Variants in RAD51B observed in about 807,000 individuals in gnomAD.
RAD51B encodes DNA repair protein RAD51 homolog 2.
In RAD51B, 38 loss-of-function variants were observed where a neutral mutation model predicts 42.2. The ratio of observed to expected loss-of-function variants is 0.90; its 90% CI spans 0.70 to 1.18. The LOEUF (loss-of-function observed/expected upper bound fraction) is 1.18, where lower values mean the gene tolerates loss of function less well. Ranked by LOEUF, RAD51B falls within the 50% of genes most tolerant of loss-of-function variation. The pLI is 0.00. For missense variants in RAD51B, 373 were observed against 400.7 expected (o/e 0.93, Z 0.59); for synonymous variants, 154 against 145.2 (o/e 1.06, Z -0.43).
At chr14:68,441,711 T>C (rs1192941083) in intron 9 of RAD51B, among the ~76,000 whole-genome samples, 2 of 152,200 alleles carry the variant, frequency 1.3e-5, no homozygotes, top group Non-Finnish European at 2.9e-5. Flanking sequence ...ATATGTGATC[T>C]TGGACAAATG....
intron 8 of RAD51B, among the ~76,000 whole-genome samples, chr14:68,337,059 C>CTTACTAATT (rs2082470893): frequency 6.6e-6 from 1 of 152,150 alleles, no homozygotes; most frequent in Non-Finnish European, 1.5e-5. Flanking sequence ...TTGTAGTTTA[C>CTTACTAATT]TTACTAATTT....
At chr14:67,916,407 A>G (rs1410831114) in intron 7 of RAD51B, among the ~76,000 whole-genome samples, 1 of 151,852 alleles carries the variant, frequency 6.6e-6, no homozygotes, top group Non-Finnish European at 1.5e-5. Flanking sequence ...ACACCTGGCT[A>G]ATTTTTGTAT....
intron 7 of RAD51B, among the ~76,000 whole-genome samples, chr14:68,023,458 C>T (rs2075902187): frequency 6.6e-6 from 1 of 152,160 alleles, no homozygotes; most frequent in African/African-American, 2.4e-5. Context: ...TCCTGAGTAG[C>T]TGTGATTACA....
chr14:68,389,104 G>GT lies in RAD51B; in HGVS notation c.854-22313dup, dbSNP rs541395898. On this transcript the variant is annotated intron_variant, in intron 8 of 10. Transcript: ENST00000471583. ...GGAAGCCTCTGGATTCAGTTGTTTT[G>GT]TTTTTTTAAGTAACTTTTTAAATGA... 1.6e-4 allele frequency among the ~76,000 whole-genome samples: 25 copies of GT among 152,084 alleles called. No individual in the cohort carries two copies. In the South Asian group the frequency reaches 5.2e-3, roughly 32 times the overall value.
intron 7 of RAD51B, among the ~76,000 whole-genome samples, chr14:67,983,441 A>G (rs1244889040): frequency 6.6e-6 from 1 of 152,210 alleles, no homozygotes; most frequent in African/African-American, 2.4e-5. Context: ...TCTGAGTAAA[A>G]GCAAATAATG....
intron 8 of RAD51B, among the ~76,000 whole-genome samples, chr14:68,386,111 A>G (rs1277096957): frequency 6.6e-6 from 1 of 152,176 alleles, no homozygotes; most frequent in Non-Finnish European, 1.5e-5. Flanking sequence ...TTAGGGCAGT[A>G]TCCTTTGGAG....
intron 11 of RAD51B, among the ~76,000 whole-genome samples, chr14:68,681,818 G>A (rs912386350): frequency 3.3e-4 from 51 of 152,304 alleles, no homozygotes; most frequent in African/African-American, 1.2e-3. Context: ...AGCATTAGAA[G>A]GGATCACTGC....
chr14:68,575,846 T>G (rs1316811947), intron 10 of RAD51B, among the ~76,000 whole-genome samples: 1 of 152,220 alleles, frequency 6.6e-6, no homozygotes, highest in East Asian at 1.9e-4. Flanking sequence ...TAGAAAGATA[T>G]ATTAATCAGG....
At chr14:68,053,769 C>G (rs2076431214) in intron 7 of RAD51B, among the ~76,000 whole-genome samples, 1 of 152,164 alleles carries the variant, frequency 6.6e-6, no homozygotes, top group African/African-American at 2.4e-5. Context: ...TTGAATAACT[C>G]CAATTCAGGT....
At chr14:68,505,541 C>T (rs1170240149) in intron 10 of RAD51B, among the ~76,000 whole-genome samples, 1 of 149,884 alleles carries the variant, frequency 6.7e-6, no homozygotes, top group African/African-American at 2.5e-5. Context: ...TGTAGATTAG[C>T]CAATCTTTTT....
rs180757987 is a variant in RAD51B at position 68,012,835 on chromosome 14, G to A, written c.756+125631G>A. ...GTTGTTTCAACTTTGTTTTATGTGTGTATCTTCTGTTTATTCTCTGCTCTA... is the reference window on the plus strand; with the variant it reads ...GTTGTTTCAACTTTGTTTTATGTGTATATCTTCTGTTTATTCTCTGCTCTA... On this transcript the variant is annotated intron_variant, in intron 7 of 10. Transcript: ENST00000471583. Among the ~76,000 whole-genome samples, 39 of 152,194 alleles carry A rather than the reference G, an allele frequency of 2.6e-4. No individual in the cohort carries two copies. In the East Asian group the frequency reaches 7.1e-3, roughly 28 times the overall value.
intron 7 of RAD51B, among the ~76,000 whole-genome samples, chr14:67,928,971 AGTTT>A (rs1416421657): frequency 6.6e-6 from 1 of 151,378 alleles, no homozygotes; most frequent in East Asian, 1.9e-4. Context: ...TTCATTTCTG[AGTTT>A]GTTTATTTGG....
intron 8 of RAD51B, among the ~76,000 whole-genome samples, chr14:68,340,516 G>C (rs533268661): frequency 7.9e-5 from 12 of 152,288 alleles, no homozygotes; most frequent in African/African-American, 2.4e-4. Flanking sequence ...GCCTTTGCTA[G>C]CCATGCTTTT....
chr14:68,682,770 G>C (rs1014992152), intron 11 of RAD51B, among the ~76,000 whole-genome samples: 6 of 151,944 alleles, frequency 3.9e-5, no homozygotes, highest in Admixed American at 2.0e-4. Flanking sequence ...TTCGCATGTC[G>C]TGAATCTTGA....
intron 7 of RAD51B, among the ~76,000 whole-genome samples, chr14:67,986,995 G>T (rs532588688): frequency 8.1e-4 from 124 of 152,340 alleles, no homozygotes; most frequent in African/African-American, 2.9e-3. Context: ...GCCTCCCAGT[G>T]TGCTGGGTTT....
chr14:68,676,327 AC>A (rs1893301964), intron 11 of RAD51B, among the ~76,000 whole-genome samples: 1 of 152,166 alleles, frequency 6.6e-6, no homozygotes, highest in Non-Finnish European at 1.5e-5. Context: ...CTGGCTGTAG[AC>A]CCTCATAGTA....
At chr14:67,989,839 T>C (rs2075263707) in intron 7 of RAD51B, among the ~76,000 whole-genome samples, 1 of 152,066 alleles carries the variant, frequency 6.6e-6, no homozygotes, top group African/African-American at 2.4e-5. Context: ...TGCATTTACA[T>C]GCTCAACCCT....
At chr14:67,880,686 T>A (rs576470863) in intron 5 of RAD51B, among the ~76,000 whole-genome samples, 3 of 152,334 alleles carry the variant, frequency 2.0e-5, no homozygotes, top group African/African-American at 7.2e-5. Flanking sequence ...CTGATTTTTC[T>A]CCTGGTAATG....
intron 4 of RAD51B, among the ~76,000 whole-genome samples, chr14:67,860,396 ATG>A (rs555871403): frequency 5.3e-4 from 80 of 152,342 alleles, no homozygotes; most frequent in African/African-American, 1.8e-3. Context: ...ATACAAAACA[ATG>A]TATATGAGAG....
Sources: gnomAD v4.1 joint callset for allele counts (sites outside exome capture counted in the v4.1 genomes callset) on GRCh38, gnomAD v4.1.1 for gene constraint, MANE v1.5 for transcripts, NCBI Gene and HGNC (gene_info 2026-07-23, HGNC 2026-07-21) for gene names.